The following KMT2A variants were observed in gnomAD, a reference collection of about 807,000 sequenced individuals.
KMT2A encodes histone-lysine N-methyltransferase 2A.
In KMT2A, 16 loss-of-function variants were observed where a neutral mutation model predicts 345.3. The observed-to-expected ratio is 0.05, with a 90% CI of 0.03 to 0.07. KMT2A has a LOEUF of 0.07. Among genes scored for constraint, KMT2A ranks in the 10% least tolerant of loss-of-function variants. KMT2A has a pLI of 1.00. For synonymous variants in KMT2A, 1,599 were observed against 1,778.6 expected (o/e 0.90, Z 2.54); for missense variants, 3,272 against 4,841.6 (o/e 0.68, Z 9.62).
At chr11:118,518,462 G>T (rs1242934627) in intron 31 of KMT2A, among the ~76,000 whole-genome samples, 1 of 152,174 alleles carries the variant, frequency 6.6e-6, no homozygotes, top group Non-Finnish European at 1.5e-5. Flanking sequence ...TCTGTGTTAG[G>T]GGTGTATTAA....
intron 1 of KMT2A, among the ~76,000 whole-genome samples, chr11:118,454,822 G>T (rs1555030215): frequency 6.6e-6 from 1 of 151,384 alleles, no homozygotes; most frequent in Non-Finnish European, 1.5e-5. Context: ...ATATTCTTTT[G>T]ACTTTAAAAA....
chr11:118,503,809 A>G lies in KMT2A; in HGVS notation c.7917A>G (p.Gly2639=), dbSNP rs889762404. The change falls in exon 27 of 36, where the codon GGA becomes GGG. Residue 2639 remains glycine (G), a synonymous_variant. Coordinates refer to ENST00000534358, the MANE Select transcript of KMT2A (RefSeq NM_001197104.2). The surrounding 1 kb of genome is among the most constrained non-coding windows in gnomAD (Gnocchi z 5.3). ...NMFFGLTPLY[G]VRSYGEEDIP... is the part of the protein sequence containing the mutation. Reference sequence around the variant, plus strand: ...TTTTTGGGCTTACCCCACTCTATGGAGTAAGATCCTATGGTGAAGAAGACA... The same window carrying G: ...TTTTTGGGCTTACCCCACTCTATGGGGTAAGATCCTATGGTGAAGAAGACA... 3.7e-6 allele frequency: 6 copies of G among 1,614,146 alleles called. No individual in the cohort carries two copies. The highest frequency in any genetic ancestry group is 5.1e-6 in the Non-Finnish European group (6 of 1,179,978).
At position 118,523,464 on chromosome 11, in the gene KMT2A, G is replaced by A. The variant is rs1351963938; in HGVS notation, c.*1292G>A. ...GGATGTGGTCAAAACAGCATCAAAT[G>A]TTTCTTCTCTTCCTTTCCCCAAGAC... On this transcript the variant is annotated 3_prime_UTR_variant, in exon 36 of 36. Coordinates refer to ENST00000534358, the MANE Select transcript of KMT2A (RefSeq NM_001197104.2). 8.9e-6 allele frequency: 2 copies of A among 225,506 alleles called. No homozygotes were observed. The highest frequency in any genetic ancestry group is 1.8e-5 in the Non-Finnish European group (2 of 113,128). The allele number at this position is 225,506 out of a possible 1,614,324, so 14.0% of individuals were successfully genotyped here. A position where few individuals can be genotyped will look rare whatever the true frequency, so the allele number is the denominator to read the frequency against.
chr11:118,499,362 C>T lies in KMT2A; in HGVS notation c.6021C>T (p.Ile2007=). The change falls in exon 23 of 36, where the codon ATC becomes ATT. Residue 2007 remains isoleucine (I), a synonymous_variant. Coordinates refer to ENST00000534358, the MANE Select transcript of KMT2A (RefSeq NM_001197104.2). ...FRRVFVDFEG[I]SLRRKFLNGL... Reference sequence around the variant, plus strand: ...GAGTGTTTGTGGACTTTGAAGGAATCAGCTTGAGAAGGAAGTTTCTCAATG... The same window carrying T: ...GAGTGTTTGTGGACTTTGAAGGAATTAGCTTGAGAAGGAAGTTTCTCAATG... 6.2e-7 allele frequency: 1 copy of T among 1,611,738 alleles called. No homozygotes were observed. Among genetic ancestry groups the T allele is most frequent in the Non-Finnish European group, 8.5e-7 (1 of 1,179,764 alleles).
chr11:118,520,493 A>C lies in KMT2A; in HGVS notation c.11430-309A>C, dbSNP rs575055890. 5.6e-4 allele frequency: 205 copies of C among 364,040 alleles called. 2 individuals are homozygous for C. Among genetic ancestry groups the C allele is most frequent in the African/African-American group, 3.6e-3 (178 of 48,874 alleles). 22.6% of individuals were successfully genotyped at this position (364,040 alleles called of 1,614,324 possible). On this transcript the variant is annotated intron_variant, in intron 33 of 35. Transcript: ENST00000534358. The surrounding 1 kb of genome is among the most constrained non-coding windows in gnomAD (Gnocchi z 4.3). The stretch of plus-strand genomic sequence containing the variant: ...TAGTGAAACCCTATCTCTACTAAAA[A>C]TACAAAAATTAGCCCGGCGTGGTGG...
chr11:118,494,805 G>T lies in KMT2A; in HGVS notation c.5363+38G>T. The T allele has an allele frequency of 1.3e-6, 2 of 1,502,670 alleles. No individual in the cohort carries two copies. The allele number at this position is 1,502,670 out of a possible 1,614,324, so 93.1% of individuals were successfully genotyped here. A position where few individuals can be genotyped will look rare whatever the true frequency, so the allele number is the denominator to read the frequency against. Reference sequence around the variant, plus strand: ...AGCATAACTTTTTTTTCTCCTCATCGGCTAGAAATCTGAGAGTTCTCATAT... The same window carrying T: ...AGCATAACTTTTTTTTCTCCTCATCTGCTAGAAATCTGAGAGTTCTCATAT... On this transcript the variant is annotated intron_variant, in intron 18 of 35. Coordinates refer to ENST00000534358, the MANE Select transcript of KMT2A (RefSeq NM_001197104.2). This position sits in a 1 kb window ranked among gnomAD's most constrained non-coding sequence, Gnocchi z 5.8.
In KMT2A at chr11:118,473,956, C is replaced by A. The variant is rs782407414; in HGVS notation, c.2797C>A (p.Arg933=). ...ATCTTCTGCCAAAAAAGCAACAGGG[C>A]GGAAGAAGTCTTCATCACATGATTC... ...TSSSAKKATG[R]KKSSSHDSGT... Residue 933 remains arginine, a synonymous_variant, in exon 3 of 36, where the codon CGG becomes AGG. Coordinates refer to ENST00000534358, the MANE Select transcript of KMT2A (RefSeq NM_001197104.2). The surrounding 1 kb of genome is among the most constrained non-coding windows in gnomAD (Gnocchi z 5.2). The A allele has an allele frequency of 3.7e-6, 6 of 1,613,724 alleles. No individual in the cohort carries two copies. The African/African-American group carries it at 4.0e-5, about 11-fold the overall frequency.
intron 1 of KMT2A, among the ~76,000 whole-genome samples, chr11:118,437,275 G>A (rs1949208938): frequency 6.6e-6 from 1 of 150,614 alleles, no homozygotes; most frequent in Admixed American, 6.6e-5. Flanking sequence ...TACCTCATCC[G>A]AGCAAGATTC....
At chr11:118,486,706 C>A (rs1950236212) in intron 10 of KMT2A, among the ~76,000 whole-genome samples, 1 of 151,012 alleles carries the variant, frequency 6.6e-6, no homozygotes, top group African/African-American at 2.5e-5. Context: ...GACCTCATCT[C>A]TACTAAAAAA....
Position 118,460,413 on chromosome 11 carries a change from G to A in KMT2A, c.433-8362G>A, listed in dbSNP as rs557397215. On this transcript the variant is annotated intron_variant, in intron 1 of 35. Coordinates refer to ENST00000534358, the MANE Select transcript of KMT2A (RefSeq NM_001197104.2). ...AGGGATCCTCCTACCTCAGCCTCCC[G>A]AGTAGCTGGACCACAGGCATGCACC... 2.6e-4 allele frequency among the ~76,000 whole-genome samples: 39 copies of A among 151,450 alleles called. No homozygotes were observed. In the South Asian group the frequency reaches 3.8e-3, roughly 15 times the overall value.
Position 118,491,427 on chromosome 11 carries a change from T to G in KMT2A, c.4819+109T>G. 1.8e-6 allele frequency: 2 copies of G among 1,103,344 alleles called. No homozygotes were observed. Among genetic ancestry groups the G allele is most frequent in the Non-Finnish European group, 2.5e-6 (2 of 785,934 alleles). 68.3% of individuals were successfully genotyped at this position (1,103,344 alleles called of 1,614,324 possible). A position where few individuals can be genotyped will look rare whatever the true frequency, so the allele number is the denominator to read the frequency against. On this transcript the variant is annotated intron_variant, in intron 14 of 35. Coordinates refer to ENST00000534358, the MANE Select transcript of KMT2A (RefSeq NM_001197104.2). The surrounding 1 kb of genome is among the most constrained non-coding windows in gnomAD (Gnocchi z 4.2). ...TGGTTGTGTTGTTATTTGAAATCTC[T>G]AAATTTATTTTTTAGTCTCTAGAAT...
chr11:118,447,613 T>C (rs1949448778), intron 1 of KMT2A: 1 of 450,886 alleles, frequency 2.2e-6, no homozygotes, highest in Admixed American at 2.4e-5. Flanking sequence ...TGAGTGTTGT[T>C]TCCATTTCTA....
intron 1 of KMT2A, among the ~76,000 whole-genome samples, chr11:118,460,667 G>GT (rs1450283096): frequency 6.6e-6 from 1 of 150,766 alleles, no homozygotes. Context: ...CAGTAACATT[G>GT]TTTTTTTAGA....
At chr11:118,445,496 C>T (rs1425786855) in intron 1 of KMT2A, among the ~76,000 whole-genome samples, 2 of 152,138 alleles carry the variant, frequency 1.3e-5, no homozygotes, top group African/African-American at 4.8e-5. Flanking sequence ...GGTTCAGACC[C>T]ATTAGTCTAT....
rs1555043019 is a variant in KMT2A at position 118,493,112 on chromosome 11, G to C, written c.5060G>C (p.Ser1687Thr). The C allele has an allele frequency of 6.2e-7, 1 of 1,613,924 alleles. No individual in the cohort carries two copies. The highest frequency in any genetic ancestry group is 1.3e-5 in the African/African-American group (1 of 74,902). The part of the protein sequence containing the change: ...PETEESIPSR[S>T]SPEGPDPPVL... Reference sequence around the variant, plus strand: ...ACAGAGGAGAGTATACCTTCCCGCAGCTCCCCCGAAGGACCTGATCCACCA... The same window carrying C: ...ACAGAGGAGAGTATACCTTCCCGCACCTCCCCCGAAGGACCTGATCCACCA... The change falls in exon 16 of 36, where the codon AGC becomes ACC. Residue 1687 changes from serine to threonine, a missense_variant. By Grantham distance (58) the Ser-to-Thr change is moderately conservative. Transcript: ENST00000534358. The surrounding 1 kb of genome is among the most constrained non-coding windows in gnomAD (Gnocchi z 5.8).
rs1950554190 is a variant in KMT2A, at chr11:118,504,829, G to A, written c.8937G>A (p.Leu2979=). The A allele has an allele frequency of 1.9e-6, 3 of 1,614,012 alleles. No individual in the cohort carries two copies. Among genetic ancestry groups the A allele is most frequent in the Non-Finnish European group, 2.5e-6 (3 of 1,180,036 alleles). The change falls in exon 27 of 36, where the codon CTG becomes CTA. Residue 2979 remains leucine (L), a synonymous_variant. Transcript: ENST00000534358. This position sits in a 1 kb window ranked among gnomAD's most constrained non-coding sequence, Gnocchi z 6.4. ...SVASSESDPA[L]LSPGVDPTPE... ...CCTCCTCTGAAAGTGACCCAGCACT[G>A]CTGAGCCCAGGAGTAGATCCAACTC...
At chr11:118,511,725 T>G (rs1950691772) in intron 30 of KMT2A, among the ~76,000 whole-genome samples, 1 of 152,204 alleles carries the variant, frequency 6.6e-6, no homozygotes, top group Non-Finnish European at 1.5e-5. Context: ...CCTTAGTGCT[T>G]CTGTGTCCTC....
chr11:118,492,491 A>C (rs1415856057), intron 15 of KMT2A, among the ~76,000 whole-genome samples: 1 of 152,222 alleles, frequency 6.6e-6, no homozygotes, highest in Non-Finnish European at 1.5e-5. Context: ...CATCCTGGCT[A>C]ACACGGTGAA....
chr11:118,523,796 G>A lies in KMT2A; in HGVS notation c.*1624G>A, dbSNP rs1034811353. The A allele has an allele frequency of 4.2e-5, 9 of 214,020 alleles. No individual in the cohort carries two copies. The highest frequency in any genetic ancestry group is 7.5e-5 in the Non-Finnish European group (8 of 105,972). 13.3% of individuals were successfully genotyped at this position (214,020 alleles called of 1,614,324 possible). On this transcript the variant is annotated 3_prime_UTR_variant, in exon 36 of 36. Transcript: ENST00000534358. ...GAAGGTGTACTTTTTGTTGTTTAAT[G>A]TGTAGCTTGTTTGTGCCCTGTTGAC...
Sources: allele counts gnomAD v4.1 joint callset (sites outside exome capture counted in the v4.1 genomes callset), GRCh38; gene constraint gnomAD v4.1.1; non-coding constraint Gnocchi (gnomAD v3.1); transcripts MANE v1.5; gene names NCBI Gene and HGNC (gene_info 2026-07-23, HGNC 2026-07-21).